Variants in BPIFB1 observed in about 807,000 individuals in gnomAD.
The protein encoded by BPIFB1 is BPI fold containing family B member 1, also known as BPI fold-containing family B member 1.
Under a neutral mutation model 55.1 loss-of-function variants are expected in BPIFB1, and 34 were observed. The observed-to-expected ratio is 0.62, with a 90% CI of 0.47 to 0.82. BPIFB1 has a LOEUF of 0.82. BPIFB1 is among the 40% of genes least tolerant of loss of function. The probability of loss-of-function intolerance (pLI) is 0.00; values close to 1 mark genes in which losing one functional copy is unlikely to be tolerated. For missense variants in BPIFB1, 532 were observed against 593.1 expected (o/e 0.90, Z 1.07); for synonymous variants, 236 against 245.3 (o/e 0.96, Z 0.35).
intron 2 of BPIFB1, among the ~76,000 whole-genome samples, chr20:33,287,331 G>A (rs1402782993): frequency 6.6e-6 from 1 of 152,242 alleles, no homozygotes; most frequent in Non-Finnish European, 1.5e-5. Flanking sequence ...GTCCAAGCCA[G>A]TTACCACTGT....
At chr20:33,294,530 T>C (rs968795554) in intron 6 of BPIFB1, among the ~76,000 whole-genome samples, 2 of 152,226 alleles carry the variant, frequency 1.3e-5, no homozygotes, top group Non-Finnish European at 2.9e-5. Flanking sequence ...AATTTTCTTA[T>C]GTAAGAAAGA....
Position 33,302,766 on chromosome 20 carries a change from AC to A in BPIFB1, c.982-149del, listed in dbSNP as rs763775339. 1.7e-4 allele frequency: 148 copies of A among 856,100 alleles called. 1 individual carries two copies. The highest frequency in any genetic ancestry group is 2.5e-4 in the Non-Finnish European group (138 of 559,410). 53.0% of individuals were successfully genotyped at this position (856,100 alleles called of 1,614,324 possible). The stretch of plus-strand genomic sequence containing the variant: ...GCTGCCAGGTAGGGAGAACAACACA[AC>A]ATTCAAGGATCTGCAAGAAGGACAG... On this transcript the variant is annotated intron_variant, in intron 10 of 15. Coordinates refer to ENST00000253354, the MANE Select transcript of BPIFB1 (RefSeq NM_033197.3).
intron 12 of BPIFB1, 79 bp downstream of exon 12, chr20:33,304,104 G>A (rs537401275): frequency 8.5e-5 from 114 of 1,342,332 alleles, no homozygotes; most frequent in Non-Finnish European, 1.0e-4. Context: ...TTTAAACACC[G>A]ACTTTGTGGC....
intron 7 of BPIFB1, chr20:33,299,000 A>C: frequency 2.5e-5 from 5 of 203,366 alleles, no homozygotes; most frequent in South Asian, 5.4e-5. Context: ...TTGGAGACGG[A>C]CCTTTTTTCT....
intron 6 of BPIFB1, among the ~76,000 whole-genome samples, chr20:33,296,645 T>C (rs1980661886): frequency 6.6e-6 from 1 of 152,226 alleles, no homozygotes; most frequent in Non-Finnish European, 1.5e-5. Context: ...TACCCACTAG[T>C]TGTCATCCCC....
At chr20:33,292,497 A>C (rs1194180400) in intron 6 of BPIFB1, among the ~76,000 whole-genome samples, 1 of 152,226 alleles carries the variant, frequency 6.6e-6, no homozygotes, top group African/African-American at 2.4e-5. Flanking sequence ...TTTTTATTAA[A>C]TTTGTTTTAA....
intron 4 of BPIFB1, 22 bp from the exon 5 acceptor site, chr20:33,290,935 G>T: frequency 6.2e-7 from 1 of 1,611,988 alleles, no homozygotes; most frequent in Non-Finnish European, 8.5e-7. Context: ...TGCTCACATG[G>T]TCAGGTGCCT....
At chr20:33,299,873 A>G (rs1980789602) in intron 7 of BPIFB1, 26 bp from the exon 8 acceptor site, 3 of 1,609,394 alleles carry the variant, frequency 1.9e-6, no homozygotes, top group Non-Finnish European at 2.6e-6. Context: ...CCACCCTCAC[A>G]GAACTTTCTT....
intron 7 of BPIFB1, among the ~76,000 whole-genome samples, chr20:33,299,507 G>GT (rs1980775425): frequency 6.6e-6 from 1 of 152,194 alleles, no homozygotes; most frequent in South Asian, 2.1e-4. Context: ...GCGGTGGAGT[G>GT]TTACATACAA....
rs139176398 is a variant in BPIFB1, at chr20:33,304,160, A to G, written c.1208+135A>G. On this transcript the variant is annotated intron_variant, in intron 12 of 15. Transcript: ENST00000253354. ...AGGGTAGGCAGGGAGGTCCTTCCGG[A>G]TGCTCCTGCTGACAAGGACTGCATG... 808 of 734,944 alleles carry G rather than the reference A, an allele frequency of 1.1e-3. 2 individuals are homozygous for G. The African/African-American group carries it at 0.013, about 12-fold the overall frequency. The allele number at this position is 734,944 out of a possible 1,614,324, so 45.5% of individuals were successfully genotyped here.
chr20:33,309,612 G>C lies in BPIFB1; in HGVS notation c.1396-96G>C. 5 of 1,181,176 alleles carry C rather than the reference G, an allele frequency of 4.2e-6. No individual in the cohort carries two copies. 73.2% of individuals were successfully genotyped at this position (1,181,176 alleles called of 1,614,324 possible). A position where few individuals can be genotyped will look rare whatever the true frequency, so the allele number is the denominator to read the frequency against. On this transcript the variant is annotated intron_variant, in intron 15 of 15. Coordinates refer to ENST00000253354, the MANE Select transcript of BPIFB1 (RefSeq NM_033197.3). The surrounding 1 kb of genome is among the most constrained non-coding windows in gnomAD (Gnocchi z 4.4). ...GTGGGTTCAGGGTCATGGTCCCCCG[G>C]TGCCAGCAGTCACCTTATGGAGGAC...
At chr20:33,306,844 G>A (rs1981044282) in intron 14 of BPIFB1, 67 bp from the exon 15 acceptor site, 2 of 1,389,390 alleles carry the variant, frequency 1.4e-6, no homozygotes, top group Non-Finnish European at 1.0e-6. Context: ...CAGGAACCCT[G>A]AGCCTGCCCC....
intron 2 of BPIFB1, among the ~76,000 whole-genome samples, chr20:33,287,632 G>A (rs1331524045): frequency 6.6e-6 from 1 of 152,206 alleles, no homozygotes; most frequent in Non-Finnish European, 1.5e-5. Context: ...TTGCTGGCTT[G>A]TCCCAGGCCA....
intron 12 of BPIFB1, among the ~76,000 whole-genome samples, 171 bp downstream of exon 12, chr20:33,304,196 G>C (rs998278946): frequency 6.6e-6 from 1 of 152,190 alleles, no homozygotes; most frequent in African/African-American, 2.4e-5. Flanking sequence ...TGAGGGAATG[G>C]GGAGGAAAAT....
intron 13 of BPIFB1, among the ~76,000 whole-genome samples, chr20:33,305,575 C>T (rs1980997699): frequency 1.3e-5 from 2 of 152,058 alleles, no homozygotes; most frequent in African/African-American, 2.4e-5. Context: ...CCTTGGCCTC[C>T]CAAAGTGCTG....
At chr20:33,296,427 A>C (rs1223768351) in intron 6 of BPIFB1, among the ~76,000 whole-genome samples, 1 of 152,200 alleles carries the variant, frequency 6.6e-6, no homozygotes, top group Non-Finnish European at 1.5e-5. Context: ...GGTGGTCAAC[A>C]AGACAAAAAT....
intron 9 of BPIFB1, 107 bp from the exon 10 acceptor site, chr20:33,302,252 C>G (rs1165172672): frequency 1.9e-5 from 23 of 1,205,584 alleles, no homozygotes; most frequent in Non-Finnish European, 2.6e-5. Context: ...ACTGGGCCCA[C>G]CCAGCTTTTC....
chr20:33,296,281 C>G (rs1247136840), intron 6 of BPIFB1, among the ~76,000 whole-genome samples: 1 of 152,182 alleles, frequency 6.6e-6, no homozygotes, highest in Non-Finnish European at 1.5e-5. Flanking sequence ...CTGGCAGTGC[C>G]TGCTGGGAGT....
Position 33,301,217 on chromosome 20 carries a change from T to C in BPIFB1, c.748-16T>C. 4 of 1,610,792 alleles carry C rather than the reference T, an allele frequency of 2.5e-6. No homozygotes were observed. The highest frequency in any genetic ancestry group is 2.5e-6 in the Non-Finnish European group (3 of 1,177,216). On this transcript the variant is annotated splice_polypyrimidine_tract_variant and intron_variant, in intron 8 of 15. Transcript: ENST00000253354. ...GAGTTAAAATTCTTAGCTGACTCCC[T>C]GCTCTGTCTCCTCAGGCCAAGTTGT...
Sources: allele counts gnomAD v4.1 joint callset (sites outside exome capture counted in the v4.1 genomes callset), GRCh38; gene constraint gnomAD v4.1.1; non-coding constraint Gnocchi (gnomAD v3.1); transcripts MANE v1.5; gene names NCBI Gene and HGNC (gene_info 2026-07-23, HGNC 2026-07-21).